The following HEATR3 variants were observed in gnomAD, a reference collection of about 807,000 sequenced individuals.
The protein encoded by HEATR3 is HEAT repeat containing 3, also known as HEAT repeat-containing protein 3.
A neutral mutation model predicts 72.8 loss-of-function variants in HEATR3; 56 were observed. That is an observed-to-expected ratio of 0.77 (90% CI 0.62 to 0.96). HEATR3 has a LOEUF of 0.96. HEATR3 is among the 40% of genes least tolerant of loss of function. HEATR3 has a pLI of 0.00. For missense variants in HEATR3, 747 were observed against 831.4 expected, an observed-to-expected ratio of 0.90 and a Z score of 1.25; for synonymous variants, 331 against 318.1, an observed-to-expected ratio of 1.04 and a Z score of -0.43.
At chr16:50,101,241 G>A (rs370062853) in intron 13 of HEATR3, among the ~76,000 whole-genome samples, 2 of 151,258 alleles carry the variant, frequency 1.3e-5, no homozygotes, top group South Asian at 2.1e-4. Flanking sequence ...TCAGCCTCCC[G>A]AGTAGCTGGG....
chr16:50,089,150 T>C (rs905490477), intron 11 of HEATR3, among the ~76,000 whole-genome samples: 1 of 152,096 alleles, frequency 6.6e-6, no homozygotes, highest in African/African-American at 2.4e-5. Flanking sequence ...TTCTGAATTG[T>C]GGGAAAATAT....
At chr16:50,099,975 CT>C (rs1173826768) in intron 12 of HEATR3, among the ~76,000 whole-genome samples, 1 of 152,140 alleles carries the variant, frequency 6.6e-6, no homozygotes, top group East Asian at 1.9e-4. Flanking sequence ...GAATGAAAGT[CT>C]TCATCAAATT....
At chr16:50,090,026 A>G (rs1200079427) in intron 11 of HEATR3, among the ~76,000 whole-genome samples, 2 of 152,034 alleles carry the variant, frequency 1.3e-5, no homozygotes, top group South Asian at 2.1e-4. Context: ...ATGTAATCCT[A>G]TGGGTTCTAT....
rs74787975 is a variant in HEATR3 at position 50,100,021 on chromosome 16, G to A, written c.1600-209G>A. On this transcript the variant is annotated intron_variant, in intron 12 of 14. Coordinates refer to ENST00000299192, the MANE Select transcript of HEATR3 (RefSeq NM_182922.4). ...CCCTTTGATATTAGATAACAGTGCC[G>A]ACATGAGCAGGGTTCACCTTAGTTC... Among the ~76,000 whole-genome samples the A allele has an allele frequency of 3.9e-5, 6 of 152,200 alleles. 1 individual carries two copies. Among genetic ancestry groups the A allele is most frequent in the Admixed American group, 3.9e-4 (6 of 15,270 alleles).
At chr16:50,070,566 G>A (rs1391493064) in intron 4 of HEATR3, among the ~76,000 whole-genome samples, 2 of 152,146 alleles carry the variant, frequency 1.3e-5, no homozygotes, top group African/African-American at 4.8e-5. Flanking sequence ...GCCGAGTGTG[G>A]TGGTACATGC....
At chr16:50,087,581 T>C (rs1424071982) in intron 11 of HEATR3, among the ~76,000 whole-genome samples, 1 of 152,188 alleles carries the variant, frequency 6.6e-6, no homozygotes, top group East Asian at 1.9e-4. Context: ...TTTTCTATAC[T>C]GAAGGAAAAC....
At chr16:50,079,754 T>C (rs1291351933) in intron 7 of HEATR3, among the ~76,000 whole-genome samples, 1 of 152,202 alleles carries the variant, frequency 6.6e-6, no homozygotes, top group Non-Finnish European at 1.5e-5. Flanking sequence ...TGCCAGGCAC[T>C]GTGCTAGACG....
At chr16:50,066,329 A>C in intron 1 of HEATR3, 38 bp from the exon 2 acceptor site, 2 of 1,563,620 alleles carry the variant, frequency 1.3e-6, no homozygotes, top group Non-Finnish European at 1.7e-6. Context: ...GCGCGTGCGC[A>C]TTGCGCGCCT....
chr16:50,078,097 G>A lies in HEATR3; in HGVS notation c.764-644G>A, dbSNP rs1052658570. Among the ~76,000 whole-genome samples, 5 of 151,836 alleles carry A rather than the reference G, an allele frequency of 3.3e-5. No individual in the cohort carries two copies. In the East Asian group the frequency reaches 5.8e-4, roughly 18 times the overall value. On this transcript the variant is annotated intron_variant, in intron 6 of 14. Coordinates refer to ENST00000299192, the MANE Select transcript of HEATR3 (RefSeq NM_182922.4). ...TCACCATGTTGCCCAGGCTTGTCTC[G>A]AACTCCTGACCTCGAGTGATCCTCC...
chr16:50,092,860 C>T (rs1329602074), intron 11 of HEATR3, among the ~76,000 whole-genome samples: 1 of 152,100 alleles, frequency 6.6e-6, no homozygotes, highest in African/African-American at 2.4e-5. Flanking sequence ...AGTTTGCATT[C>T]TAGTATAAAT....
At position 50,072,844 on chromosome 16, in the gene HEATR3, C is replaced by A. The variant is rs993232980; in HGVS notation, c.622+130C>A. Reference sequence around the variant, plus strand: ...TTGTATGTGAATGTGTAGCTCAGCACCTGTTTTTTCTGGGTCTTAAATCTG... The same window carrying A: ...TTGTATGTGAATGTGTAGCTCAGCAACTGTTTTTTCTGGGTCTTAAATCTG... On this transcript the variant is annotated intron_variant, in intron 5 of 14. Coordinates refer to ENST00000299192, the MANE Select transcript of HEATR3 (RefSeq NM_182922.4). 9.3e-6 allele frequency: 6 copies of A among 648,016 alleles called. No individual in the cohort carries two copies. In the African/African-American group the frequency reaches 1.1e-4, roughly 12 times the overall value. The allele number at this position is 648,016 out of a possible 1,614,324, so 40.1% of individuals were successfully genotyped here.
intron 11 of HEATR3, among the ~76,000 whole-genome samples, chr16:50,087,618 A>T (rs1341724239): frequency 6.6e-6 from 1 of 152,174 alleles, no homozygotes; most frequent in Admixed American, 6.5e-5. Context: ...CCCAGTATCC[A>T]TTGCTGGAGC....
chr16:50,104,844 G>A lies in HEATR3; in HGVS notation c.1921-95G>A, dbSNP rs2037446830. 11 of 1,157,036 alleles carry A rather than the reference G, an allele frequency of 9.5e-6. No individual in the cohort carries two copies. In the East Asian group the frequency reaches 3.1e-4, roughly 32 times the overall value. 71.7% of individuals were successfully genotyped at this position (1,157,036 alleles called of 1,614,324 possible). A position where few individuals can be genotyped will look rare whatever the true frequency, so the allele number is the denominator to read the frequency against. On this transcript the variant is annotated intron_variant, in intron 14 of 14. Coordinates refer to ENST00000299192, the MANE Select transcript of HEATR3 (RefSeq NM_182922.4). ...CAAATTCTTACAGCTATCTGCTTCAGCAAATGGTTAAATACACCCTAAATT... is the reference window on the plus strand; with the variant it reads ...CAAATTCTTACAGCTATCTGCTTCAACAAATGGTTAAATACACCCTAAATT...
intron 6 of HEATR3, among the ~76,000 whole-genome samples, chr16:50,078,535 A>G (rs1343884265): frequency 6.6e-6 from 1 of 152,192 alleles, no homozygotes; most frequent in Non-Finnish European, 1.5e-5. Flanking sequence ...TTGTGTGCCA[A>G]GGAAGGGAGA....
chr16:50,079,611 T>C (rs373856580), intron 7 of HEATR3, among the ~76,000 whole-genome samples: 23 of 152,070 alleles, frequency 1.5e-4, no homozygotes, highest in Admixed American at 1.3e-4. Flanking sequence ...GCTGACACAG[T>C]CTGCAGAGAG....
At chr16:50,086,392 G>A (rs1267825167) in intron 11 of HEATR3, 41 bp downstream of exon 11, 1 of 1,572,236 alleles carries the variant, frequency 6.4e-7, no homozygotes, top group Non-Finnish European at 8.6e-7. Context: ...AGACGGAACA[G>A]AATTTTGAAG....
chr16:50,078,666 CCA>C lies in HEATR3; in HGVS notation c.764-74_764-73del, dbSNP rs1265595614. ...TGAAATTACACTGGCCTTAAAAGCT[CCA>C]GTCTTGTGAAAACTTAAACTTAGTA... On this transcript the variant is annotated intron_variant, in intron 6 of 14. Transcript: ENST00000299192. 2.1e-6 allele frequency: 3 copies of C among 1,442,278 alleles called. No homozygotes were observed. In the East Asian group the frequency reaches 6.9e-5, roughly 33 times the overall value. The allele number at this position is 1,442,278 out of a possible 1,614,324, so 89.3% of individuals were successfully genotyped here.
chr16:50,091,681 C>A (rs1411712223), intron 11 of HEATR3, among the ~76,000 whole-genome samples: 1 of 151,822 alleles, frequency 6.6e-6, no homozygotes, highest in African/African-American at 2.4e-5. Flanking sequence ...GAGACCCTGG[C>A]TAACATGGTG....
chr16:50,071,942 T>TA (rs1487271687), intron 4 of HEATR3, among the ~76,000 whole-genome samples: 1 of 152,174 alleles, frequency 6.6e-6, no homozygotes, highest in African/African-American at 2.4e-5. Flanking sequence ...TAGTATAATT[T>TA]AAAAAATACT....
Sources: gnomAD v4.1 joint callset for allele counts (sites outside exome capture counted in the v4.1 genomes callset) on GRCh38, gnomAD v4.1.1 for gene constraint, MANE v1.5 for transcripts, NCBI Gene and HGNC (gene_info 2026-07-23, HGNC 2026-07-21) for gene names.